The following SKIC3 variants were observed in gnomAD, a reference collection of about 807,000 sequenced individuals.
The protein encoded by SKIC3 is superkiller complex protein 3.
chr5:95,520,693 T>C, the SKIC3 span: 2 of 1,564,304 alleles, frequency 1.3e-6, no homozygotes, highest in East Asian at 4.6e-5. Flanking sequence ...AAATAAACAA[T>C]AAATAATAAG....
chr5:95,539,109 A>G, the SKIC3 span, among the ~76,000 whole-genome samples: 5 of 152,238 alleles, frequency 3.3e-5, no homozygotes, highest in Non-Finnish European at 5.9e-5. Context: ...TGTGAATTTA[A>G]AATTGTACAT....
chr5:95,535,031 C>G, the SKIC3 span, among the ~76,000 whole-genome samples: 1 of 152,118 alleles, frequency 6.6e-6, no homozygotes, highest in Non-Finnish European at 1.5e-5. Context: ...AAATCACTTT[C>G]ATTTTTTCAT....
chr5:95,502,849 C>A, the SKIC3 span: 2 of 1,610,460 alleles, frequency 1.2e-6, no homozygotes, highest in South Asian at 1.1e-5. Context: ...AGTATCTGGT[C>A]ATGTTAAGTG....
the SKIC3 span, chr5:95,497,457 A>G: frequency 1.2e-6 from 2 of 1,613,680 alleles, no homozygotes; most frequent in Non-Finnish European, 1.7e-6. Context: ...ACTCGAGACA[A>G]CAGAGACCAA....
the SKIC3 span, chr5:95,478,471 A>G: frequency 6.2e-7 from 1 of 1,613,498 alleles, no homozygotes; most frequent in Non-Finnish European, 8.5e-7. Context: ...GAAGGAGGCA[A>G]AGGATTTTAG....
At chr5:95,538,672 G>C in the SKIC3 span, among the ~76,000 whole-genome samples, 1 of 152,076 alleles carries the variant, frequency 6.6e-6, no homozygotes, top group Non-Finnish European at 1.5e-5. Flanking sequence ...TTTTCCAAAT[G>C]TGGTTCAAAA....
chr5:95,495,021 G>A, the SKIC3 span: 32 of 1,613,106 alleles, frequency 2.0e-5, no homozygotes, highest in Non-Finnish European at 2.0e-5. Context: ...CACCTCCCTA[G>A]AACAGAAAAT....
chr5:95,527,994 A>G, the SKIC3 span: 12 of 1,613,322 alleles, frequency 7.4e-6, no homozygotes, highest in Non-Finnish European at 1.0e-5. Context: ...AGTTGAAGAA[A>G]AAAACTTGAC....
chr5:95,495,144 T>C, the SKIC3 span: 7 of 799,470 alleles, frequency 8.8e-6, no homozygotes, highest in African/African-American at 1.7e-5. Flanking sequence ...TCACAACTCC[T>C]AAACTTCTTA....
chr5:95,513,580 T>C, the SKIC3 span: 30 of 1,613,688 alleles, frequency 1.9e-5, no homozygotes, highest in Admixed American at 6.7e-5. Context: ...CATGCATATT[T>C]AGTTCTGTAG....
chr5:95,486,830 C>T, the SKIC3 span, among the ~76,000 whole-genome samples: 3 of 152,278 alleles, frequency 2.0e-5, no homozygotes, highest in East Asian at 5.8e-4. Context: ...CTGCTTGGGT[C>T]CCAGAGGGTT....
chr5:95,490,464 GTATA>G, the SKIC3 span, among the ~76,000 whole-genome samples: 16 of 144,916 alleles, frequency 1.1e-4, no homozygotes, highest in East Asian at 3.0e-3. Flanking sequence ...TTTAAATAAT[GTATA>G]TATATATTCA....
chr5:95,497,576 T>G, the SKIC3 span: 10 of 975,588 alleles, frequency 1.0e-5, no homozygotes, highest in Non-Finnish European at 1.4e-5. Context: ...AGTTTAAAAC[T>G]TTTCTTAATA....
At chr5:95,502,044 A>C in the SKIC3 span, among the ~76,000 whole-genome samples, 1 of 152,186 alleles carries the variant, frequency 6.6e-6, no homozygotes, top group Non-Finnish European at 1.5e-5. Context: ...CATTACATCA[A>C]ATAAACAAAT....
chr5:95,544,548 T>C, the SKIC3 span, among the ~76,000 whole-genome samples: 1 of 152,204 alleles, frequency 6.6e-6, no homozygotes, highest in Non-Finnish European at 1.5e-5. Context: ...AAAATAAAAT[T>C]ATTTATTTTG....
the SKIC3 span, among the ~76,000 whole-genome samples, chr5:95,500,942 TATCAAA>T: frequency 6.6e-6 from 1 of 152,114 alleles, no homozygotes. Context: ...GACAAACAAG[TATCAAA>T]TCATGAATTT....
At chr5:95,524,776 G>C in the SKIC3 span, among the ~76,000 whole-genome samples, 2 of 152,150 alleles carry the variant, frequency 1.3e-5, no homozygotes, top group Admixed American at 1.3e-4. Flanking sequence ...TTTTGAAGAA[G>C]AGGATCTTAA....
At chr5:95,539,176 T>G in the SKIC3 span, among the ~76,000 whole-genome samples, 1 of 152,140 alleles carries the variant, frequency 6.6e-6, no homozygotes, top group African/African-American at 2.4e-5. Flanking sequence ...CATTGAATTA[T>G]CATTGAATGT....
the SKIC3 span, among the ~76,000 whole-genome samples, chr5:95,503,168 T>C: frequency 2.0e-5 from 3 of 152,232 alleles, no homozygotes; most frequent in Non-Finnish European, 2.9e-5. Flanking sequence ...ATAATCTAAC[T>C]TGTTTTCACT....
Sources: allele counts gnomAD v4.1 joint callset (sites outside exome capture counted in the v4.1 genomes callset), GRCh38; gene constraint gnomAD v4.1.1; transcripts MANE v1.5; gene names NCBI Gene and HGNC (gene_info 2026-07-23, HGNC 2026-07-21).